Variants in COPB2 observed in about 807,000 individuals in gnomAD.
COPB2 encodes the protein coat protein complex I subunit beta 2, also known as coatomer subunit beta'.
In COPB2, 16 loss-of-function variants were observed where a neutral mutation model predicts 120.8. The observed-to-expected ratio is 0.13, with a 90% confidence interval of 0.09 to 0.20. The LOEUF is 0.20. Ranked by LOEUF, COPB2 falls within the 10% of genes least tolerant of loss-of-function variation. COPB2 has a pLI of 1.00. For synonymous variants in COPB2, 332 were observed against 366.3 expected (o/e 0.91, Z 1.07); for missense variants, 794 against 1,076.5 (o/e 0.74, Z 3.67).
chr3:139,366,544 A>G, intron 15 of COPB2, 24 bp downstream of exon 15: 2 of 1,561,754 alleles, frequency 1.3e-6, no homozygotes, highest in Non-Finnish European at 1.7e-6. Context: ...TAAAAAACAA[A>G]AAGAAAAAAA....
intron 2 of COPB2, chr3:139,380,298 A>G (rs1941788250): frequency 6.6e-6 from 1 of 152,230 alleles, no homozygotes; most frequent in African/African-American, 2.4e-5. Context: ...GGCGTGAGCC[A>G]CTGCACCTAG....
At chr3:139,365,998 A>T (rs755703441) in intron 15 of COPB2, among the ~76,000 whole-genome samples, 1 of 152,184 alleles carries the variant, frequency 6.6e-6, no homozygotes, top group Non-Finnish European at 1.5e-5. Flanking sequence ...CAGAGGGGGA[A>T]GTCACAAGAA....
intron 15 of COPB2, among the ~76,000 whole-genome samples, chr3:139,363,957 G>A (rs772391310): frequency 1.7e-4 from 26 of 152,166 alleles, no homozygotes; most frequent in Non-Finnish European, 3.5e-4. Context: ...ATACAGCCAA[G>A]GGCAAAACAC....
At chr3:139,374,639 A>G (rs764407911) in intron 6 of COPB2, 51 bp from the exon 7 acceptor site, 2 of 1,473,592 alleles carry the variant, frequency 1.4e-6, no homozygotes, top group South Asian at 1.2e-5. Flanking sequence ...ACATGTAACC[A>G]GCCCGCCCTT....
chr3:139,358,629 C>T (rs1430350689), intron 20 of COPB2, 115 bp downstream of exon 20: 1 of 730,088 alleles, frequency 1.4e-6, no homozygotes, highest in Non-Finnish European at 2.4e-6. Flanking sequence ...TGCAGTGAGC[C>T]TAGATCGCGC....
chr3:139,369,123 A>C, intron 12 of COPB2, 138 bp downstream of exon 12: 1 of 565,814 alleles, frequency 1.8e-6, no homozygotes, highest in Non-Finnish European at 3.1e-6. Flanking sequence ...TTAAATTCTA[A>C]GTGCTGTTTT....
chr3:139,374,686 T>C lies in COPB2; in HGVS notation c.652-98A>G, dbSNP rs562196809. On this transcript the variant is annotated intron_variant, in intron 6 of 21. Coordinates refer to ENST00000333188, the MANE Select transcript of COPB2 (RefSeq NM_004766.3). The stretch of plus-strand genomic sequence containing the variant: ...TGTACAGATACATTATAAATGATAG[T>C]AGTCATGAAAATCTAAATAATATCC... 17 of 820,762 alleles carry C rather than the reference T, an allele frequency of 2.1e-5. No homozygotes were observed. In the East Asian group the frequency reaches 4.5e-4, roughly 22 times the overall value. The allele number at this position is 820,762 out of a possible 1,614,324, so 50.8% of individuals were successfully genotyped here.
intron 13 of COPB2, 56 bp downstream of exon 13, chr3:139,368,089 G>A: frequency 6.4e-7 from 1 of 1,565,326 alleles, no homozygotes; most frequent in Non-Finnish European, 8.7e-7. Flanking sequence ...TCTGTTGTAA[G>A]AATATAAATC....
In COPB2 at chr3:139,362,466, C is replaced by T. The variant is rs1238489331; in HGVS notation, c.1936G>A (p.Glu646Lys). ...TVSTDPEHRF[E>K]LALQLGELKI... ...AACTCTCCAAGCTGAAGAGCAAGCT[C>T]AAAACGATGCTCAGGATCTGTGGAT... Residue 646 changes from glutamate (E) to lysine (K), a missense_variant, in exon 16 of 22, where the codon GAG (glutamate) becomes AAG (lysine). Transcript: ENST00000333188. 15 of 1,612,702 alleles carry T rather than the reference C, an allele frequency of 9.3e-6. No homozygotes were observed. Among genetic ancestry groups the T allele is most frequent in the Non-Finnish European group, 1.2e-5 (14 of 1,179,440 alleles).
intron 10 of COPB2, 91 bp downstream of exon 10, chr3:139,371,632 T>C: frequency 9.3e-7 from 1 of 1,072,926 alleles, no homozygotes; most frequent in South Asian, 1.4e-5. Flanking sequence ...ACACGGAGAA[T>C]CACAGCCCAC....
At chr3:139,367,405 A>G (rs1032482309) in intron 13 of COPB2, among the ~76,000 whole-genome samples, 22 of 151,754 alleles carry the variant, frequency 1.4e-4, no homozygotes, top group Admixed American at 1.4e-3. Flanking sequence ...CTCCTGCCTC[A>G]GCCTCCCAAG....
intron 12 of COPB2, among the ~76,000 whole-genome samples, chr3:139,368,824 G>C (rs1284578473): frequency 6.6e-6 from 1 of 152,150 alleles, no homozygotes; most frequent in Non-Finnish European, 1.5e-5. Flanking sequence ...ATAATCTCCT[G>C]ACAGTGAAAA....
chr3:139,371,528 C>T (rs1034128664), intron 10 of COPB2, among the ~76,000 whole-genome samples, 195 bp downstream of exon 10: 2 of 152,210 alleles, frequency 1.3e-5, no homozygotes, highest in African/African-American at 2.4e-5. Context: ...GCCAGCCTAA[C>T]GCAGAACAAA....
rs531981929 is a variant in COPB2 at position 139,360,435 on chromosome 3, T to C, written c.2210+646A>G. Among the ~76,000 whole-genome samples the C allele has an allele frequency of 1.0e-4, 15 of 150,324 alleles. No individual in the cohort carries two copies. In the South Asian group the frequency reaches 2.9e-3, roughly 29 times the overall value. On this transcript the variant is annotated intron_variant, in intron 17 of 21. Transcript: ENST00000333188. ...TGGGAGGCTAAGGCAGGAGAAGGGC[T>C]TGAACGAGGGAGACAGAGGCTGCAA...
chr3:139,369,969 T>C (rs1941591208), intron 10 of COPB2, among the ~76,000 whole-genome samples: 1 of 152,228 alleles, frequency 6.6e-6, no homozygotes, highest in Non-Finnish European at 1.5e-5. Flanking sequence ...TACTGTATGA[T>C]TCCATTTATA....
chr3:139,361,604 A>C (rs1028576211), intron 16 of COPB2, among the ~76,000 whole-genome samples: 3 of 152,254 alleles, frequency 2.0e-5, no homozygotes, highest in Non-Finnish European at 4.4e-5. Flanking sequence ...AGGCAATTAG[A>C]CTGCAATTAT....
At chr3:139,364,788 A>G (rs1309490444) in intron 15 of COPB2, among the ~76,000 whole-genome samples, 1 of 152,200 alleles carries the variant, frequency 6.6e-6, no homozygotes, top group African/African-American at 2.4e-5. Context: ...CCCCACCCAC[A>G]AATTCAGACC....
At chr3:139,367,559 A>AAT (rs34066096) in intron 13 of COPB2, among the ~76,000 whole-genome samples, 1 of 152,068 alleles carries the variant, frequency 6.6e-6, no homozygotes, top group Non-Finnish European at 1.5e-5. Context: ...AAGTGCTGGG[A>AAT]TTATAGGTGT....
chr3:139,366,530 G>A (rs1252034036), intron 15 of COPB2, 38 bp downstream of exon 15: 2 of 1,551,278 alleles, frequency 1.3e-6, no homozygotes, highest in South Asian at 2.4e-5. Context: ...CAAATTGCAA[G>A]TTTTAAAAAA....
Sources: allele counts gnomAD v4.1 joint callset (sites outside exome capture counted in the v4.1 genomes callset), GRCh38; gene constraint gnomAD v4.1.1; transcripts MANE v1.5; gene names NCBI Gene and HGNC (gene_info 2026-07-23, HGNC 2026-07-21).